Variants in GNAQ observed in about 807,000 individuals in gnomAD.
GNAQ encodes the protein guanine nucleotide-binding protein G(q) subunit alpha.
A neutral mutation model predicts 43.9 loss-of-function variants in GNAQ; 8 were observed. The observed-to-expected ratio is 0.18, with a 90% CI of 0.11 to 0.33. The LOEUF is 0.33. Ranked by LOEUF, GNAQ falls within the 10% of genes least tolerant of loss-of-function variation. GNAQ has a pLI of 1.00. For synonymous variants in GNAQ, 155 were observed against 170.7 expected (o/e 0.91, Z 0.71); for missense variants, 158 against 450.8 (o/e 0.35, Z 5.88).
chr9:77,840,890 A>G (rs1316112061), intron 2 of GNAQ, among the ~76,000 whole-genome samples: 1 of 151,982 alleles, frequency 6.6e-6, no homozygotes, highest in African/African-American at 2.4e-5. Flanking sequence ...CTTCAGGGAG[A>G]GCACTGGAGA....
intron 3 of GNAQ, among the ~76,000 whole-genome samples, chr9:77,803,936 AAAAT>A (rs1826786188): frequency 1.3e-5 from 2 of 152,344 alleles, no homozygotes; most frequent in Admixed American, 6.5e-5. Flanking sequence ...TGGCTGAAGA[AAAAT>A]AAATTCAGAA....
intron 5 of GNAQ, 50 bp from the exon 6 acceptor site, chr9:77,728,717 A>G: frequency 7.9e-7 from 1 of 1,266,182 alleles, no homozygotes; most frequent in Non-Finnish European, 1.1e-6. Context: ...TTACATGATT[A>G]CTTAATTTGT....
chr9:77,742,280 C>T (rs556582603), intron 5 of GNAQ, among the ~76,000 whole-genome samples: 76 of 152,176 alleles, frequency 5.0e-4, no homozygotes, highest in Non-Finnish European at 9.3e-4. Flanking sequence ...CCTTTTTAAA[C>T]GCAGCATTCC....
chr9:77,860,494 GA>G (rs984699893), intron 2 of GNAQ, among the ~76,000 whole-genome samples: 19 of 152,324 alleles, frequency 1.2e-4, no homozygotes, highest in Admixed American at 9.2e-4. Flanking sequence ...GTTTGGGGAT[GA>G]AACTGTTACA....
At chr9:77,865,206 CATCAGATCAA>C in intron 2 of GNAQ, among the ~76,000 whole-genome samples, 1 of 152,224 alleles carries the variant, frequency 6.6e-6, no homozygotes, top group Non-Finnish European at 1.5e-5. Flanking sequence ...TGAGGCCAAT[CATCAGATCAA>C]GAGTCAGTAT....
At chr9:77,809,787 G>T (rs1029628947) in intron 3 of GNAQ, among the ~76,000 whole-genome samples, 3 of 152,148 alleles carry the variant, frequency 2.0e-5, no homozygotes, top group African/African-American at 7.2e-5. Flanking sequence ...CAAAGTAGAA[G>T]GGAAGCTCAA....
At chr9:77,736,624 C>T (rs1287133204) in intron 5 of GNAQ, among the ~76,000 whole-genome samples, 1 of 152,076 alleles carries the variant, frequency 6.6e-6, no homozygotes, top group Admixed American at 6.5e-5. Flanking sequence ...CAATAAGTCG[C>T]GGTCACATGT....
At chr9:77,754,779 A>G (rs564628566) in intron 5 of GNAQ, among the ~76,000 whole-genome samples, 67 of 152,350 alleles carry the variant, frequency 4.4e-4, no homozygotes, top group Non-Finnish European at 5.1e-4. Context: ...ATTGGTAGGA[A>G]TGTAAATTAG....
chr9:77,886,668 G>C (rs1015339310), intron 2 of GNAQ, among the ~76,000 whole-genome samples: 4 of 152,108 alleles, frequency 2.6e-5, no homozygotes, highest in Non-Finnish European at 5.9e-5. Context: ...ACTTTATTGT[G>C]AACTGAATAT....
intron 2 of GNAQ, among the ~76,000 whole-genome samples, chr9:77,849,324 TTTA>T (rs1453551729): frequency 6.6e-6 from 1 of 152,292 alleles, no homozygotes; most frequent in African/African-American, 2.4e-5. Flanking sequence ...AGAGTTTTTT[TTTA>T]TTTTACCAGA....
At chr9:77,913,868 A>G (rs1828850529) in intron 2 of GNAQ, among the ~76,000 whole-genome samples, 1 of 152,168 alleles carries the variant, frequency 6.6e-6, no homozygotes, top group African/African-American at 2.4e-5. Context: ...CTCAATACTG[A>G]TGTTGTGTGC....
At chr9:77,796,079 G>C (rs916417145) in intron 4 of GNAQ, among the ~76,000 whole-genome samples, 4 of 152,162 alleles carry the variant, frequency 2.6e-5, no homozygotes, top group African/African-American at 9.7e-5. Flanking sequence ...GACTTAAAAC[G>C]TAAGTAATAT....
In GNAQ at chr9:78,007,485, G is replaced by A. The variant is rs112167848; in HGVS notation, c.136+23615C>T. 6.0e-3 allele frequency among the ~76,000 whole-genome samples: 902 copies of A among 151,170 alleles called. 3 individuals are homozygous for A. Among genetic ancestry groups the A allele is most frequent in the African/African-American group, 0.021 (851 of 41,288 alleles). On this transcript the variant is annotated intron_variant, in intron 1 of 6. Coordinates refer to ENST00000286548, the MANE Select transcript of GNAQ (RefSeq NM_002072.5). ...GCCTCTGCACCATCTGATTTACCAC[G>A]GGTTCTAAAAATTTATATGCAAGAA...
At chr9:77,751,791 A>AAAACAAAC (rs369887847) in intron 5 of GNAQ, among the ~76,000 whole-genome samples, 2 of 152,004 alleles carry the variant, frequency 1.3e-5, no homozygotes, top group Admixed American at 6.6e-5. Flanking sequence ...AGACCTCCAA[A>AAAACAAAC]AAACAAACAA....
intron 5 of GNAQ, among the ~76,000 whole-genome samples, chr9:77,763,117 CAA>C (rs1043866097): frequency 8.7e-6 from 1 of 115,428 alleles, no homozygotes; most frequent in Admixed American, 8.9e-5. Context: ...TAAAAAAAAA[CAA>C]AAAAATAAAC....
chr9:77,760,897 C>T (rs1484850478), intron 5 of GNAQ, among the ~76,000 whole-genome samples: 10 of 148,890 alleles, frequency 6.7e-5, no homozygotes, highest in East Asian at 2.1e-4. Context: ...TGCCCGGTCG[C>T]GACCCCGTCT....
At chr9:77,724,988 C>G (rs1255917580) in intron 6 of GNAQ, among the ~76,000 whole-genome samples, 2 of 152,162 alleles carry the variant, frequency 1.3e-5, no homozygotes, top group Non-Finnish European at 1.5e-5. Context: ...GGAGAAGTCT[C>G]TCATTTCATA....
rs187334855 is a variant in GNAQ at position 77,952,096 on chromosome 9, C to T, written c.137-29751G>A. On this transcript the variant is annotated intron_variant, in intron 1 of 6. Coordinates refer to ENST00000286548, the MANE Select transcript of GNAQ (RefSeq NM_002072.5). ...ATTCCCTGTTCTTAAAAAACATTTC[C>T]TGGGAAGCCTGAAATTGAGGTTTGG... Among the ~76,000 whole-genome samples the T allele has an allele frequency of 1.6e-3, 250 of 152,306 alleles. 2 individuals are homozygous for T. The highest frequency in any genetic ancestry group is 5.1e-3 in the African/African-American group (213 of 41,576).
chr9:77,836,904 A>T (rs1827397269), intron 2 of GNAQ, among the ~76,000 whole-genome samples: 1 of 152,216 alleles, frequency 6.6e-6, no homozygotes, highest in Non-Finnish European at 1.5e-5. Flanking sequence ...GAGATAGGAC[A>T]TAAAAGTTTT....
Sources: gnomAD v4.1 joint callset for allele counts (sites outside exome capture counted in the v4.1 genomes callset) on GRCh38, gnomAD v4.1.1 for gene constraint, MANE v1.5 for transcripts, NCBI Gene and HGNC (gene_info 2026-07-23, HGNC 2026-07-21) for gene names.